Variants in CADM2 observed in about 807,000 individuals in gnomAD.
CADM2 encodes cell adhesion molecule 2.
CADM2 carries 12 observed loss-of-function variants against 49.8 expected under a neutral mutation model. The ratio of observed to expected loss-of-function variants is 0.24; its 90% CI spans 0.15 to 0.39. CADM2 has a LOEUF of 0.39. CADM2 is among the 10% of genes least tolerant of loss of function. The pLI is 1.00. For synonymous variants in CADM2, 214 were observed against 175.4 expected (o/e 1.22, Z -1.74); for missense variants, 378 against 492.3 (o/e 0.77, Z 2.20).
intron 1 of CADM2, among the ~76,000 whole-genome samples, chr3:85,505,958 T>G (rs1444411497): frequency 1.3e-5 from 2 of 152,210 alleles, no homozygotes; most frequent in Non-Finnish European, 2.9e-5. Context: ...CAAGTTTTCC[T>G]TTATCTGACA....
chr3:85,457,388 G>T (rs551128558), intron 1 of CADM2, among the ~76,000 whole-genome samples: 45 of 151,858 alleles, frequency 3.0e-4, no homozygotes, highest in Non-Finnish European at 4.6e-4. Context: ...ACTCCAGCCC[G>T]GGTGACACAG....
intron 1 of CADM2, among the ~76,000 whole-genome samples, chr3:85,353,407 A>T (rs1048139480): frequency 6.6e-6 from 1 of 152,014 alleles, no homozygotes; most frequent in African/African-American, 2.4e-5. Context: ...TAAAATTTAT[A>T]TTTCACTCCT....
In CADM2 at chr3:86,014,927, T is replaced by A. The variant is rs534201166; in HGVS notation, c.971-50678T>A. The A allele has an allele frequency of 4.4e-5, 67 of 1,506,120 alleles. No individual in the cohort carries two copies. The South Asian group carries it at 6.8e-4, about 15-fold the overall frequency. 93.3% of individuals were successfully genotyped at this position (1,506,120 alleles called of 1,614,324 possible). The stretch of plus-strand genomic sequence containing the variant: ...TGATGACGGTTGAGAATGAGTGGTA[T>A]GAAAATGGACGAAAGCGTCTTAAAG... On this transcript the variant is annotated intron_variant, in intron 8 of 9. Coordinates refer to ENST00000383699, the MANE Select transcript of CADM2 (RefSeq NM_001167675.2).
intron 1 of CADM2, among the ~76,000 whole-genome samples, chr3:85,175,601 A>G (rs2040760877): frequency 6.6e-6 from 1 of 152,092 alleles, no homozygotes; most frequent in Non-Finnish European, 1.5e-5. Flanking sequence ...GAGAATGGGG[A>G]ATCATTCATT....
intron 8 of CADM2, among the ~76,000 whole-genome samples, chr3:85,997,542 A>G (rs73843568): frequency 0.035 from 5,302 of 152,236 alleles, 190 homozygotes; most frequent in East Asian, 0.11. Context: ...TGTCAAATAA[A>G]AATAATAATT....
intron 1 of CADM2, among the ~76,000 whole-genome samples, chr3:85,401,070 A>T (rs2035083105): frequency 6.6e-6 from 1 of 152,174 alleles, no homozygotes; most frequent in Admixed American, 6.5e-5. Flanking sequence ...TGAAAAACAG[A>T]TGCATTTTAA....
chr3:85,999,883 CAGAT>C (rs1185562956), intron 8 of CADM2, among the ~76,000 whole-genome samples: 10 of 152,106 alleles, frequency 6.6e-5, no homozygotes, highest in East Asian at 1.9e-4. Flanking sequence ...AGATATAAAA[CAGAT>C]AGAGGACAAC....
chr3:85,930,491 T>C (rs1310731096), intron 6 of CADM2, among the ~76,000 whole-genome samples: 2 of 152,076 alleles, frequency 1.3e-5, no homozygotes, highest in African/African-American at 4.8e-5. Flanking sequence ...AAATATATAG[T>C]TAAATTACTA....
At chr3:85,179,882 C>T (rs577025817) in intron 1 of CADM2, among the ~76,000 whole-genome samples, 1 of 151,896 alleles carries the variant, frequency 6.6e-6, no homozygotes, top group Admixed American at 6.6e-5. Context: ...ACAAGTGCAC[C>T]CTCATTTATT....
chr3:85,507,796 T>C (rs1450994145), intron 1 of CADM2, among the ~76,000 whole-genome samples: 1 of 152,208 alleles, frequency 6.6e-6, no homozygotes, highest in Non-Finnish European at 1.5e-5. Context: ...CAAAGAAAGT[T>C]AATAAGCATA....
intron 1 of CADM2, among the ~76,000 whole-genome samples, chr3:85,154,796 A>G (rs1388000931): frequency 6.8e-6 from 1 of 146,458 alleles, no homozygotes; most frequent in Non-Finnish European, 1.5e-5. Context: ...AACATTCTTA[A>G]AGAAAAGAAT....
intron 1 of CADM2, among the ~76,000 whole-genome samples, chr3:85,384,273 T>C (rs1225025624): frequency 6.6e-6 from 1 of 152,168 alleles, no homozygotes; most frequent in African/African-American, 2.4e-5. Flanking sequence ...CATGTGTGCA[T>C]TTTTCACCAT....
chr3:85,161,333 T>A (rs1277046664), intron 1 of CADM2, among the ~76,000 whole-genome samples: 2 of 152,128 alleles, frequency 1.3e-5, no homozygotes, highest in Non-Finnish European at 2.9e-5. Flanking sequence ...AGTGCTTTTG[T>A]AGAATCTATG....
intron 1 of CADM2, among the ~76,000 whole-genome samples, chr3:85,505,431 T>C (rs1411249392): frequency 6.6e-6 from 1 of 152,166 alleles, no homozygotes; most frequent in Non-Finnish European, 1.5e-5. Context: ...GCAAATAAAC[T>C]GAGCCCACAT....
chr3:85,149,522 C>T (rs1053709823), intron 1 of CADM2, among the ~76,000 whole-genome samples: 6 of 152,112 alleles, frequency 3.9e-5, no homozygotes, highest in Non-Finnish European at 7.4e-5. Context: ...GTCTGGAGAT[C>T]GAGACCATCC....
At chr3:85,238,619 A>G (rs1358960743) in intron 1 of CADM2, among the ~76,000 whole-genome samples, 1 of 151,956 alleles carries the variant, frequency 6.6e-6, no homozygotes, top group African/African-American at 2.4e-5. Flanking sequence ...ATGCTTGACT[A>G]GAACGTTTGT....
chr3:85,856,635 A>G (rs2075327622), intron 3 of CADM2, among the ~76,000 whole-genome samples: 1 of 152,206 alleles, frequency 6.6e-6, no homozygotes. Context: ...AATTGTTTGG[A>G]AATGGTAAAA....
intron 1 of CADM2, among the ~76,000 whole-genome samples, chr3:85,290,577 C>T (rs574139362): frequency 4.9e-4 from 74 of 152,314 alleles, no homozygotes; most frequent in Middle Eastern, 6.8e-3. Context: ...TCTCCCAGCA[C>T]GCAGCTGGAG....
At chr3:85,710,113 T>C (rs1326406528) in intron 1 of CADM2, among the ~76,000 whole-genome samples, 1 of 152,094 alleles carries the variant, frequency 6.6e-6, no homozygotes, top group African/African-American at 2.4e-5. Context: ...GCAGAACATT[T>C]CCTATAGTGT....
Sources: gnomAD v4.1 joint callset for allele counts (sites outside exome capture counted in the v4.1 genomes callset) on GRCh38, gnomAD v4.1.1 for gene constraint, MANE v1.5 for transcripts, NCBI Gene and HGNC (gene_info 2026-07-23, HGNC 2026-07-21) for gene names.